The following MED13 variants were observed in gnomAD, a reference collection of about 807,000 sequenced individuals.
MED13 encodes mediator of RNA polymerase II transcription subunit 13.
Under a neutral mutation model 225.2 loss-of-function variants are expected in MED13, and 23 were observed. The observed-to-expected ratio is 0.10, with a 90% CI of 0.07 to 0.14. The LOEUF is 0.14. MED13 is among the 10% of genes least tolerant of loss of function. The probability of loss-of-function intolerance (pLI) is 1.00; values close to 1 mark genes in which losing one functional copy is unlikely to be tolerated. For synonymous variants in MED13, 942 were observed against 889.2 expected, an observed-to-expected ratio of 1.06 and a Z score of -1.06; for missense variants, 2,197 against 2,594.5, an observed-to-expected ratio of 0.85 and a Z score of 3.33.
At chr17:62,023,994 G>C (rs1040304532) in intron 8 of MED13, among the ~76,000 whole-genome samples, 2 of 151,396 alleles carry the variant, frequency 1.3e-5, no homozygotes. Flanking sequence ...ATGCCTCTGA[G>C]AAATTTCTGA....
chr17:62,010,913 G>T lies in MED13; in HGVS notation c.1604C>A (p.Pro535Gln). Residue 535 changes from proline (P) to glutamine (Q), a missense_variant, in exon 9 of 30, where the codon CCA becomes CAA. Pro to Gln is a moderately conservative substitution (Grantham distance 76). This residue lies in a region of MED13 where 884 missense variants were observed against 918.5 expected (regional missense o/e 0.96). Transcript: ENST00000397786. ...CACATCACAAGGGTGAGGACTAAGT[G>T]GGGGTGGTTGAGGTGAATTTGCCAT... ...TEMANSPQPP[P>Q]LSPHPCDVVD... is the part of the protein sequence containing the mutation. 1 of 1,612,992 alleles carries T rather than the reference G, an allele frequency of 6.2e-7. No homozygotes were observed. Among genetic ancestry groups the T allele is most frequent in the East Asian group, 2.2e-5 (1 of 44,862 alleles).
Position 62,029,589 on chromosome 17 carries a change from G to A in MED13, c.1235C>T (p.Ser412Phe), listed in dbSNP as rs1489433605. Residue 412 changes from serine (S) to phenylalanine (F), a missense_variant, in exon 8 of 30, where the codon TCC becomes TTC. Physicochemically the swap from Ser to Phe is radical, Grantham distance 155. Coordinates refer to ENST00000397786, the MANE Select transcript of MED13 (RefSeq NM_005121.3). ...CEEATAAKVA[S>F]WDFVEATQRT... ...TTGTGTGGCTTCAACAAAATCCCAG[G>A]ATGCCACTTTAGCAGCTGTCGCTTC... The A allele has an allele frequency of 6.2e-7, 1 of 1,614,124 alleles. No individual in the cohort carries two copies. Among genetic ancestry groups the A allele is most frequent in the Non-Finnish European group, 8.5e-7 (1 of 1,180,024 alleles).
Position 61,950,978 on chromosome 17 carries a change from T to G in MED13, c.6138A>C (p.Leu2046=). The stretch of plus-strand genomic sequence containing the variant: ...CTTCCTCATGAGGTTCTGTTGATAG[T>G]AGCCGATCAGTACTCTGACCCTTAA... ...DAGKGQSTDR[L]LSTEPHEEVP... is the part of the protein sequence containing the mutation. The change falls in exon 28 of 30, where the codon CTA becomes CTC. Residue 2046 remains leucine, a synonymous_variant. Coordinates refer to ENST00000397786, the MANE Select transcript of MED13 (RefSeq NM_005121.3). The G allele has an allele frequency of 6.2e-7, 1 of 1,613,530 alleles. No individual in the cohort carries two copies. Among genetic ancestry groups the G allele is most frequent in the Non-Finnish European group, 8.5e-7 (1 of 1,179,624 alleles).
At chr17:61,961,541 A>AG (rs761925857) in intron 22 of MED13, 47 bp downstream of exon 22, 2 of 1,191,192 alleles carry the variant, frequency 1.7e-6, no homozygotes, top group Non-Finnish European at 2.3e-6. Context: ...AAAAAAAAAA[A>AG]GGTATGTATA....
chr17:62,019,265 C>T (rs567657264), intron 8 of MED13, among the ~76,000 whole-genome samples: 1 of 152,108 alleles, frequency 6.6e-6, no homozygotes, highest in Admixed American at 6.6e-5. Flanking sequence ...TAAAACAATG[C>T]CACTCAATTA....
chr17:61,955,232 A>C (rs1462975568), intron 26 of MED13, 150 bp downstream of exon 26: 16 of 587,112 alleles, frequency 2.7e-5, no homozygotes, highest in Admixed American at 7.5e-5. Context: ...GTAATTGAGG[A>C]TAATCTCTCC....
intron 16 of MED13, among the ~76,000 whole-genome samples, chr17:61,976,512 A>G (rs569650909): frequency 7.2e-5 from 11 of 152,344 alleles, no homozygotes; most frequent in Admixed American, 5.2e-4. Flanking sequence ...ACTAAAAAGC[A>G]GCCAACTGTA....
chr17:62,006,046 A>C (rs2080443962), intron 9 of MED13: 1 of 152,196 alleles, frequency 6.6e-6, no homozygotes, highest in Non-Finnish European at 1.5e-5. Flanking sequence ...CTATAAATGG[A>C]CCAGATGTTT....
At chr17:61,955,250 G>C in intron 26 of MED13, 132 bp downstream of exon 26, 1 of 685,958 alleles carries the variant, frequency 1.5e-6, no homozygotes, top group South Asian at 3.0e-5. Flanking sequence ...TCCATCTCAA[G>C]ATCCTTAACT....
chr17:61,990,135 T>C (rs879541469), intron 11 of MED13, among the ~76,000 whole-genome samples: 1 of 152,216 alleles, frequency 6.6e-6, no homozygotes, highest in Non-Finnish European at 1.5e-5. Flanking sequence ...AAAAGTTAAA[T>C]GGATTTTGCT....
intron 8 of MED13, among the ~76,000 whole-genome samples, chr17:62,017,240 A>C (rs1489572946): frequency 6.8e-6 from 1 of 147,530 alleles, no homozygotes; most frequent in African/African-American, 2.5e-5. Flanking sequence ...AAAAAAAAGC[A>C]TGAAAGATTT....
intron 24 of MED13, 97 bp downstream of exon 24, chr17:61,956,242 T>C (rs1425401856): frequency 2.5e-6 from 3 of 1,204,124 alleles, no homozygotes; most frequent in Non-Finnish European, 3.4e-6. Context: ...TTGATAACCT[T>C]TGCATTTTAT....
chr17:62,040,356 G>C (rs757524593), intron 3 of MED13, among the ~76,000 whole-genome samples: 7 of 152,148 alleles, frequency 4.6e-5, no homozygotes, highest in Non-Finnish European at 7.4e-5. Flanking sequence ...AAAAAGTTAT[G>C]AATGAGGCAG....
intron 11 of MED13, among the ~76,000 whole-genome samples, chr17:61,988,702 C>T (rs2080269000): frequency 6.6e-6 from 1 of 151,496 alleles, no homozygotes; most frequent in Admixed American, 6.6e-5. Context: ...AGGTAAGTAG[C>T]CCAAACAACC....
intron 3 of MED13, among the ~76,000 whole-genome samples, chr17:62,047,927 G>C (rs553289377): frequency 1.3e-5 from 2 of 150,952 alleles, no homozygotes; most frequent in Admixed American, 6.6e-5. Context: ...AAAGAAAGCC[G>C]GGTGCAGTGG....
At chr17:62,021,496 G>A (rs991544729) in intron 8 of MED13, among the ~76,000 whole-genome samples, 1 of 152,034 alleles carries the variant, frequency 6.6e-6, no homozygotes, top group Non-Finnish European at 1.5e-5. Context: ...GGGCGGCCGG[G>A]CAGAGGCGCC....
At chr17:62,043,462 G>T (rs1188677397) in intron 3 of MED13, among the ~76,000 whole-genome samples, 1 of 152,098 alleles carries the variant, frequency 6.6e-6, no homozygotes, top group Non-Finnish European at 1.5e-5. Flanking sequence ...ATTTAGCAGA[G>T]AGTTCATACC....
chr17:61,970,711 C>A (rs1321859467), intron 17 of MED13, among the ~76,000 whole-genome samples: 19 of 121,586 alleles, frequency 1.6e-4, no homozygotes, highest in South Asian at 8.0e-4. Context: ...AAAGGCATTA[C>A]AGATAGTTAT....
chr17:61,977,457 T>C (rs2143433927), intron 16 of MED13, among the ~76,000 whole-genome samples: 1 of 152,222 alleles, frequency 6.6e-6, no homozygotes, highest in East Asian at 1.9e-4. Context: ...TTTCCAACAT[T>C]ATTATTTTTC....
Sources: gnomAD v4.1 joint callset for allele counts (sites outside exome capture counted in the v4.1 genomes callset) on GRCh38, gnomAD v4.1.1 for gene constraint, gnomAD v4.1.1 regional missense constraint, MANE v1.5 for transcripts, NCBI Gene and HGNC (gene_info 2026-07-23, HGNC 2026-07-21) for gene names.